Variants in ASTN2 observed in about 807,000 individuals in gnomAD.
The protein encoded by ASTN2 is astrotactin 2.
A neutral mutation model predicts 139.8 loss-of-function variants in ASTN2; 54 were observed. That is an observed-to-expected ratio of 0.39 (90% confidence interval 0.31 to 0.48). ASTN2 has a LOEUF of 0.48. Among genes scored for constraint, ASTN2 ranks in the 20% least tolerant of loss-of-function variants. The pLI is 0.95. For missense variants in ASTN2, 1,565 were observed against 1,725.1 expected (o/e 0.91, Z 1.64); for synonymous variants, 756 against 719.5 (o/e 1.05, Z -0.81).
At chr9:117,298,224 T>C (rs567352350) in intron 1 of ASTN2, among the ~76,000 whole-genome samples, 8 of 152,264 alleles carry the variant, frequency 5.3e-5, no homozygotes, top group Non-Finnish European at 1.2e-4. Flanking sequence ...GATCTCTTCC[T>C]ATGCCTTTCC....
At chr9:116,513,042 TATG>T (rs1356488337) in intron 19 of ASTN2, among the ~76,000 whole-genome samples, 2 of 152,200 alleles carry the variant, frequency 1.3e-5, no homozygotes, top group African/African-American at 4.8e-5. Flanking sequence ...ATCCTGTCAT[TATG>T]ATGTTAGCTG....
At chr9:116,550,560 G>A (rs1852297104) in intron 19 of ASTN2, among the ~76,000 whole-genome samples, 1 of 152,164 alleles carries the variant, frequency 6.6e-6, no homozygotes, top group African/African-American at 2.4e-5. Context: ...GTGTGGGCAA[G>A]GTGGGGATTG....
intron 15 of ASTN2, among the ~76,000 whole-genome samples, chr9:116,727,013 AACACACACACACACACACACACAC>A (rs34050784): frequency 6.9e-6 from 1 of 144,422 alleles, no homozygotes; most frequent in African/African-American, 2.6e-5. Flanking sequence ...CACTACACTC[AACACACACACACACACACACACAC>A]ACACACACAC....
chr9:116,809,392 T>G (rs764696635), intron 12 of ASTN2, among the ~76,000 whole-genome samples: 21 of 152,292 alleles, frequency 1.4e-4, no homozygotes, highest in Non-Finnish European at 2.1e-4. Context: ...TCCCTACATA[T>G]GCCATATATA....
At chr9:117,151,219 T>C (rs1381874293) in intron 3 of ASTN2, among the ~76,000 whole-genome samples, 4 of 152,092 alleles carry the variant, frequency 2.6e-5, no homozygotes, top group Non-Finnish European at 4.4e-5. Flanking sequence ...CATATAGTCA[T>C]AGCAAATCCA....
At chr9:117,024,151 A>C (rs979893281) in intron 6 of ASTN2, among the ~76,000 whole-genome samples, 1 of 152,130 alleles carries the variant, frequency 6.6e-6, no homozygotes, top group African/African-American at 2.4e-5. Context: ...TTTTATGCTC[A>C]TCTCAGCTTC....
chr9:117,291,299 C>T (rs1834584368), intron 2 of ASTN2, 27 bp downstream of exon 2: 2 of 1,612,924 alleles, frequency 1.2e-6, no homozygotes, highest in Admixed American at 1.7e-5. Flanking sequence ...CAATCCCCGA[C>T]CCCGGTCACA....
intron 19 of ASTN2, among the ~76,000 whole-genome samples, chr9:116,581,557 C>T (rs1017373557): frequency 1.2e-4 from 19 of 152,292 alleles, no homozygotes; most frequent in Middle Eastern, 6.8e-3. Context: ...ATTGCCCAGA[C>T]GGATATTCTT....
intron 7 of ASTN2, among the ~76,000 whole-genome samples, chr9:116,998,141 G>A (rs536286612): frequency 2.6e-5 from 4 of 152,042 alleles, no homozygotes; most frequent in South Asian, 2.1e-4. Context: ...TTCGTTAATC[G>A]ATAATAAGTT....
rs1160371047 is a variant in ASTN2, at chr9:116,597,381, C to T, written c.3355+20943G>A. On this transcript the variant is annotated intron_variant, in intron 19 of 22. Coordinates refer to ENST00000313400, the MANE Select transcript of ASTN2 (RefSeq NM_001365068.1). ...GGAGTGCAGTGGTGCGATCTTGGCT[C>T]GCTTCAATCTCCACCTCCCAGGTTC... is the stretch of plus-strand genomic sequence containing the variant. Among the ~76,000 whole-genome samples the T allele has an allele frequency of 4.4e-5, 6 of 136,956 alleles. No homozygotes were observed. In the East Asian group the frequency reaches 7.1e-4, roughly 16 times the overall value. 89.8% of individuals were successfully genotyped at this position (136,956 alleles called of 152,430 possible). A position where few individuals can be genotyped will look rare whatever the true frequency, so the allele number is the denominator to read the frequency against.
chr9:116,930,877 T>C (rs985096479), intron 10 of ASTN2, among the ~76,000 whole-genome samples: 1 of 152,070 alleles, frequency 6.6e-6, no homozygotes, highest in Non-Finnish European at 1.5e-5. Context: ...CTGAGGCTCA[T>C]GGATTCTCCT....
chr9:117,148,024 T>C (rs934397047), intron 3 of ASTN2, among the ~76,000 whole-genome samples: 3 of 152,156 alleles, frequency 2.0e-5, no homozygotes, highest in Non-Finnish European at 4.4e-5. Context: ...GTGAGTGGCT[T>C]GACTTGATTG....
intron 1 of ASTN2, among the ~76,000 whole-genome samples, chr9:117,351,573 C>T (rs1829389215): frequency 6.6e-6 from 1 of 152,148 alleles, no homozygotes. Flanking sequence ...CTGTTTCTCC[C>T]TTCAAGTCTC....
chr9:116,631,528 G>A (rs1327353249), intron 17 of ASTN2, among the ~76,000 whole-genome samples: 1 of 152,052 alleles, frequency 6.6e-6, no homozygotes, highest in Non-Finnish European at 1.5e-5. Context: ...ATCTCATGGA[G>A]GTGGAGAGAT....
intron 1 of ASTN2, among the ~76,000 whole-genome samples, chr9:117,303,489 C>A (rs1039579621): frequency 7.9e-5 from 12 of 152,128 alleles, no homozygotes; most frequent in African/African-American, 2.9e-4. Flanking sequence ...TTTATAGCCC[C>A]CTATGCCATC....
chr9:116,837,841 T>C (rs1233069251), intron 11 of ASTN2, among the ~76,000 whole-genome samples: 12 of 152,156 alleles, frequency 7.9e-5, no homozygotes, highest in Admixed American at 7.9e-4. Flanking sequence ...AGTGTGGCAA[T>C]TTCATTCTTT....
intron 16 of ASTN2, among the ~76,000 whole-genome samples, chr9:116,706,020 A>G (rs904188000): frequency 1.3e-5 from 2 of 152,180 alleles, no homozygotes; most frequent in South Asian, 2.1e-4. Flanking sequence ...CTTACTGCCA[A>G]CAGTACCCAT....
chr9:117,412,008 C>G (rs1588023972), intron 1 of ASTN2, among the ~76,000 whole-genome samples: 1 of 35,162 alleles, frequency 2.8e-5, no homozygotes, highest in African/African-American at 9.6e-5. Flanking sequence ...CCTCACCCCT[C>G]CCCCCCCCAA....
intron 11 of ASTN2, among the ~76,000 whole-genome samples, chr9:116,823,651 G>T (rs1292595257): frequency 2.0e-5 from 3 of 152,182 alleles, no homozygotes; most frequent in Non-Finnish European, 4.4e-5. Flanking sequence ...TCAGGTTAAA[G>T]CATTTTGCAA....
Sources: allele counts gnomAD v4.1 joint callset (sites outside exome capture counted in the v4.1 genomes callset), GRCh38; gene constraint gnomAD v4.1.1; transcripts MANE v1.5; gene names NCBI Gene and HGNC (gene_info 2026-07-23, HGNC 2026-07-21).